FURIN: variants seen among roughly 807,000 people sequenced by gnomAD.
The protein encoded by FURIN is furin, paired basic amino acid cleaving enzyme.
In FURIN, 18 loss-of-function variants were observed where a neutral mutation model predicts 89.2. The ratio of observed to expected loss-of-function variants is 0.20; its 90% CI spans 0.14 to 0.30. The LOEUF (loss-of-function observed/expected upper bound fraction) is 0.30, where lower values mean the gene tolerates loss of function less well. Ranked by LOEUF, FURIN falls within the 10% of genes least tolerant of loss-of-function variation. The pLI is 1.00. For synonymous variants in FURIN, 508 were observed against 466.4 expected, an observed-to-expected ratio of 1.09 and a Z score of -1.15; for missense variants, 879 against 1,100.5, an observed-to-expected ratio of 0.80 and a Z score of 2.85.
chr15:90,881,403 GGGCCAGCGT>G lies in FURIN; in HGVS notation c.1911_1919del (p.Ala638_Val640del). 6.2e-7 allele frequency: 1 copy of G among 1,612,630 alleles called. No individual in the cohort carries two copies. Among genetic ancestry groups the G allele is most frequent in the Non-Finnish European group, 8.5e-7 (1 of 1,179,962 alleles). On this transcript the variant is annotated inframe_deletion, in exon 16 of 16. Coordinates refer to ENST00000268171, the MANE Select transcript of FURIN (RefSeq NM_002569.4). The surrounding 1 kb of genome is among the most constrained non-coding windows in gnomAD (Gnocchi z 4.3). Reference sequence around the variant, plus strand: ...ACCGAGAATGACGTGGAGACCATCCGGGCCAGCGTCTGCGCCCCCTGCCACGCCTCATGT... The same window carrying G: ...ACCGAGAATGACGTGGAGACCATCCGCTGCGCCCCCTGCCACGCCTCATGT...
chr15:90,875,901 T>A lies in FURIN; in HGVS notation c.161T>A (p.Phe54Tyr). The change falls in exon 2 of 16, where the codon TTC (phenylalanine) becomes TAC (tyrosine). Residue 54 changes from phenylalanine to tyrosine, a missense_variant. Transcript: ENST00000268171. ...VANSVARKHG[F>Y]LNLGQIFGDY... ...AACAGTGTGGCACGGAAGCATGGGT[T>A]CCTCAACCTGGGCCAGGTAGGTGTT... is the stretch of plus-strand genomic sequence containing the variant. 1 of 1,587,594 alleles carries A rather than the reference T, an allele frequency of 6.3e-7. No homozygotes were observed. Among genetic ancestry groups the A allele is most frequent in the South Asian group, 1.2e-5 (1 of 86,592 alleles).
chr15:90,874,713 T>A (rs1360038358), intron 1 of FURIN, among the ~76,000 whole-genome samples: 1 of 152,188 alleles, frequency 6.6e-6, no homozygotes, highest in Admixed American at 6.5e-5. Flanking sequence ...AACATCTTAT[T>A]CCCATGTAAA....
In FURIN at chr15:90,880,287, C is replaced by T. The variant is rs1008462395; in HGVS notation, c.1556+14C>T. On this transcript the variant is annotated intron_variant, in intron 13 of 15. Coordinates refer to ENST00000268171, the MANE Select transcript of FURIN (RefSeq NM_002569.4). ...GCTGGCAGCCAGGTGCTTGCTCTGT[C>T]CCTGCCCGCCCTGCCCAGCGCCGCC... The T allele has an allele frequency of 1.3e-6, 2 of 1,577,828 alleles. No homozygotes were observed. Among genetic ancestry groups the T allele is most frequent in the African/African-American group, 2.7e-5 (2 of 74,470 alleles).
In FURIN at chr15:90,881,869, C is replaced by T. The variant is rs138257453; in HGVS notation, c.2376C>T (p.Ser792=). ...GGACCGCCTTTATCAAAGACCAGAG[C>T]GCCCTCTGATGAGCCCACTGCCCAC... ...GERTAFIKDQ[S]AL is the part of the protein sequence containing the mutation. Residue 792 remains serine (S), a synonymous_variant, in exon 16 of 16, where the codon AGC becomes AGT. Transcript: ENST00000268171. The surrounding 1 kb of genome is among the most constrained non-coding windows in gnomAD (Gnocchi z 4.3). 2.0e-5 allele frequency: 32 copies of T among 1,609,520 alleles called. No individual in the cohort carries two copies. The highest frequency in any genetic ancestry group is 3.3e-5 in the South Asian group (3 of 90,910).
chr15:90,873,570 G>C (rs556166178), intron 1 of FURIN, among the ~76,000 whole-genome samples: 12 of 151,976 alleles, frequency 7.9e-5, no homozygotes, highest in Non-Finnish European at 1.8e-4. Context: ...AGAGAGATGA[G>C]GCCCCGTTCC....
At chr15:90,880,363 G>T in intron 13 of FURIN, 90 bp downstream of exon 13, 1 of 1,072,994 alleles carries the variant, frequency 9.3e-7, no homozygotes, top group Non-Finnish European at 1.3e-6. Flanking sequence ...GGCCCAGGGG[G>T]CACTGAGTGC....
chr15:90,880,754 T>G lies in FURIN; in HGVS notation c.1620T>G (p.Asp540Glu). The G allele has an allele frequency of 6.2e-7, 1 of 1,614,044 alleles. No homozygotes were observed. Among genetic ancestry groups the G allele is most frequent in the South Asian group, 1.1e-5 (1 of 91,072 alleles). ...DWAFMTTHSW[D>E]EDPSGEWVLE... is the part of the protein sequence containing the mutation. ...CCTTCATGACAACTCATTCCTGGGA[T>G]GAGGATCCCTCTGGCGAGTGGGTCC... The change falls in exon 14 of 16, where the codon GAT becomes GAG. Residue 540 changes from aspartate to glutamate, a missense_variant. Physicochemically the swap from Asp to Glu is conservative, Grantham distance 45 (BLOSUM62 2). Coordinates refer to ENST00000268171, the MANE Select transcript of FURIN (RefSeq NM_002569.4).
chr15:90,882,100 A>C lies in FURIN; in HGVS notation c.*222A>C. The C allele has an allele frequency of 1.5e-5, 8 of 531,888 alleles. No individual in the cohort carries two copies. The highest frequency in any genetic ancestry group is 4.0e-5 in the African/African-American group (2 of 50,486). The allele number at this position is 531,888 out of a possible 1,614,324, so 32.9% of individuals were successfully genotyped here. ...GTACCCCACCCTCAGCACCCCTTCC[A>C]TGTGGAGAAAGGAGTGAAACCTTTA... On this transcript the variant is annotated 3_prime_UTR_variant, in exon 16 of 16. Transcript: ENST00000268171.
In FURIN at chr15:90,881,809, G is replaced by A. The variant is rs367569745; in HGVS notation, c.2316G>A (p.Pro772=). Reference sequence around the variant, plus strand: ...CTGAAGCCTGGCAGGAGGAGTGCCCGTCTGACTCAGAAGAGGACGAGGGCC... The same window carrying A: ...CTGAAGCCTGGCAGGAGGAGTGCCCATCTGACTCAGAAGAGGACGAGGGCC... ...LPPEAWQEEC[P]SDSEEDEGRG... is the part of the protein sequence containing the mutation. The change falls in exon 16 of 16, where the codon CCG becomes CCA. Residue 772 remains proline, a synonymous_variant. Transcript: ENST00000268171. This position sits in a 1 kb window ranked among gnomAD's most constrained non-coding sequence, Gnocchi z 4.3. 5.4e-5 allele frequency: 87 copies of A among 1,613,496 alleles called. No individual in the cohort carries two copies. The highest frequency in any genetic ancestry group is 2.9e-4 in the African/African-American group (22 of 74,934).
Position 90,875,713 on chromosome 15 carries a change from T to A in FURIN, c.-28T>A, listed in dbSNP as rs774653826. On this transcript the variant is annotated 5_prime_UTR_variant, in exon 2 of 16. Coordinates refer to ENST00000268171, the MANE Select transcript of FURIN (RefSeq NM_002569.4). ...GTGACCAGGCCAAGGAGACGGGCGC[T>A]CCAGGGTCCCAGCCACCTGTCCCCC... 2 of 1,508,650 alleles carry A rather than the reference T, an allele frequency of 1.3e-6. No individual in the cohort carries two copies. The highest frequency in any genetic ancestry group is 1.8e-6 in the Non-Finnish European group (2 of 1,123,554). The allele number at this position is 1,508,650 out of a possible 1,614,324, so 93.5% of individuals were successfully genotyped here.
At chr15:90,879,646 C>T in intron 10 of FURIN, 25 bp from the exon 11 acceptor site, 1 of 1,599,124 alleles carries the variant, frequency 6.3e-7, no homozygotes, top group African/African-American at 1.3e-5. Flanking sequence ...GACTGATCCC[C>T]AGCCTCTCCC....
At position 90,878,289 on chromosome 15, in the gene FURIN, C is replaced by T. The variant is rs1301021859; in HGVS notation, c.825C>T (p.Phe275=). 2 of 1,599,380 alleles carry T rather than the reference C, an allele frequency of 1.3e-6. No individual in the cohort carries two copies. Among genetic ancestry groups the T allele is most frequent in the East Asian group, 4.5e-5 (2 of 44,698 alleles). The change falls in exon 8 of 16, where the codon TTC becomes TTT. Residue 275 remains phenylalanine (F), a synonymous_variant. Transcript: ENST00000268171. ...GPARLAEEAF[F]RGVSQGRGGL... ...CCCGCCTCGCCGAGGAGGCCTTCTT[C>T]CGTGGGGTTAGCCAGGTGAGGTGGG...
At position 90,878,781 on chromosome 15, in the gene FURIN, C is replaced by G; in HGVS notation, c.858C>G (p.Gly286=). ...RGVSQGRGGL[G]SIFVWASGNG... is the part of the protein sequence containing the mutation. ...GTCCACAGGGCCGAGGGGGGCTGGG[C>G]TCCATCTTTGTCTGGGCCTCGGGGA... The change falls in exon 9 of 16, where the codon GGC becomes GGG. Residue 286 remains glycine, a synonymous_variant. Transcript: ENST00000268171. 1 of 1,606,610 alleles carries G rather than the reference C, an allele frequency of 6.2e-7. No homozygotes were observed. The highest frequency in any genetic ancestry group is 1.7e-5 in the Admixed American group (1 of 60,002).
rs6227 is a variant in FURIN, at chr15:90,882,002, C to T, written c.*124C>T. On this transcript the variant is annotated 3_prime_UTR_variant, in exon 16 of 16. Transcript: ENST00000268171. ...TGGGAGGCAAGAGGGGTGGAGACTG[C>T]TTCCCATCCTACCCTCGGGCCCACC... The T allele has an allele frequency of 0.29, 204,479 of 709,594 alleles. 31,744 individuals are homozygous for T. The highest frequency in any genetic ancestry group is 0.33 in the Non-Finnish European group (137,618 of 422,454). 44.0% of individuals were successfully genotyped at this position (709,594 alleles called of 1,614,324 possible).
At chr15:90,877,721 C>G (rs1327408069) in intron 7 of FURIN, 106 bp downstream of exon 7, 4 of 777,500 alleles carry the variant, frequency 5.1e-6, no homozygotes, top group Non-Finnish European at 8.3e-6. Flanking sequence ...ACTGTGGATC[C>G]TTTGATCACG....
At chr15:90,879,106 C>T (rs1020866271) in intron 9 of FURIN, 130 bp downstream of exon 9, 23 of 645,168 alleles carry the variant, frequency 3.6e-5, no homozygotes, top group Middle Eastern at 8.5e-4. Context: ...CATCATGCAA[C>T]ATGAACTCTG....
chr15:90,870,549 G>A (rs1025787323), intron 1 of FURIN, among the ~76,000 whole-genome samples: 1 of 152,132 alleles, frequency 6.6e-6, no homozygotes, highest in Non-Finnish European at 1.5e-5. Context: ...TATCTCACAG[G>A]GAGCGAGAAG....
In FURIN at chr15:90,875,682, G is replaced by A. The variant is rs2031572610; in HGVS notation, c.-59G>A. 3.5e-6 allele frequency: 5 copies of A among 1,419,132 alleles called. No individual in the cohort carries two copies. The highest frequency in any genetic ancestry group is 1.4e-5 in the South Asian group (1 of 70,264). The allele number at this position is 1,419,132 out of a possible 1,614,324, so 87.9% of individuals were successfully genotyped here. ...CAGTGAGCAGGCACCTGGGAGCCGA[G>A]GCCCTGTGACCAGGCCAAGGAGACG... is the stretch of plus-strand genomic sequence containing the variant. On this transcript the variant is annotated 5_prime_UTR_variant, in exon 2 of 16. Coordinates refer to ENST00000268171, the MANE Select transcript of FURIN (RefSeq NM_002569.4).
rs944355419 is a variant in FURIN at position 90,882,449 on chromosome 15, A to G, written c.*571A>G. ...GCATGTGGCCTGTGGCCTGTGTCCC[A>G]TGACCCACCCCTGTGCTCCGTGCCT... On this transcript the variant is annotated 3_prime_UTR_variant, in exon 16 of 16. Transcript: ENST00000268171. 2.6e-5 allele frequency: 4 copies of G among 156,444 alleles called. No homozygotes were observed. Among genetic ancestry groups the G allele is most frequent in the African/African-American group, 9.6e-5 (4 of 41,480 alleles). 9.7% of individuals were successfully genotyped at this position (156,444 alleles called of 1,614,324 possible). A position where few individuals can be genotyped will look rare whatever the true frequency, so the allele number is the denominator to read the frequency against.
Sources: gnomAD v4.1 joint callset for allele counts (sites outside exome capture counted in the v4.1 genomes callset) on GRCh38, gnomAD v4.1.1 for gene constraint, Gnocchi (gnomAD v3.1) non-coding constraint, MANE v1.5 for transcripts, NCBI Gene and HGNC (gene_info 2026-07-23, HGNC 2026-07-21) for gene names.